The following DNAH6 variants were observed in gnomAD, a reference collection of about 807,000 sequenced individuals.
DNAH6 encodes dynein axonemal heavy chain 6.
A neutral mutation model predicts 491.4 loss-of-function variants in DNAH6; 340 were observed. That is an observed-to-expected ratio of 0.69 (90% CI 0.63 to 0.76). DNAH6 has a LOEUF of 0.76. Among genes scored for constraint, DNAH6 ranks in the 30% least tolerant of loss-of-function variants. The pLI is 0.00. For synonymous variants in DNAH6, 1,603 were observed against 1,686.1 expected, an observed-to-expected ratio of 0.95 and a Z score of 1.21; for missense variants, 4,443 against 4,972.2, an observed-to-expected ratio of 0.89 and a Z score of 3.20.
At chr2:84,791,154 C>T (rs1268194289) in intron 68 of DNAH6, among the ~76,000 whole-genome samples, 1 of 148,970 alleles carries the variant, frequency 6.7e-6, no homozygotes, top group Non-Finnish European at 1.5e-5. Flanking sequence ...CACGCCACTG[C>T]ACTCCAGCCT....
intron 44 of DNAH6, among the ~76,000 whole-genome samples, chr2:84,687,251 G>A (rs1209446990): frequency 5.3e-5 from 8 of 152,048 alleles, no homozygotes; most frequent in Non-Finnish European, 1.0e-4. Context: ...GCCTACATTG[G>A]CAGATAGCCA....
the DNAH6 span, among the ~76,000 whole-genome samples, chr2:84,508,073 T>C: frequency 6.6e-6 from 1 of 152,236 alleles, no homozygotes; most frequent in African/African-American, 2.4e-5. Flanking sequence ...AGGATGATAC[T>C]GGCCTCATAA....
chr2:84,715,661 G>T, intron 58 of DNAH6, 34 bp downstream of exon 58: 1 of 1,522,630 alleles, frequency 6.6e-7, no homozygotes, highest in East Asian at 2.5e-5. Context: ...GAGGGAAGGG[G>T]GTATTGTGGG....
At chr2:84,640,356 A>G (rs1689273107) in intron 31 of DNAH6, 74 bp from the exon 32 acceptor site, 1 of 911,506 alleles carries the variant, frequency 1.1e-6, no homozygotes, top group African/African-American at 1.7e-5. Context: ...GTCAATTTTG[A>G]CTATGTTGGT....
Position 84,577,150 on chromosome 2 carries a change from CAT to C in DNAH6, c.1925-102_1925-101del, listed in dbSNP as rs558460686. 360 of 626,484 alleles carry C rather than the reference CAT, an allele frequency of 5.7e-4. No individual in the cohort carries two copies. The African/African-American group carries it at 6.2e-3, about 11-fold the overall frequency. The allele number at this position is 626,484 out of a possible 1,614,324, so 38.8% of individuals were successfully genotyped here. ...TCTAAGTACAGATAATAACATTATA[CAT>C]ATATGTGTAAATTTATCAATGCAAT... On this transcript the variant is annotated intron_variant, in intron 12 of 76. Coordinates refer to ENST00000389394, the MANE Select transcript of DNAH6 (RefSeq NM_001370.2).
intron 17 of DNAH6, 104 bp downstream of exon 17, chr2:84,594,189 A>G: frequency 1.4e-6 from 1 of 692,862 alleles, no homozygotes; most frequent in South Asian, 2.0e-5. Flanking sequence ...GCTTTTCTTA[A>G]TGTCAGTAAA....
At chr2:84,462,218 T>C in the DNAH6 span, among the ~76,000 whole-genome samples, 3 of 152,254 alleles carry the variant, frequency 2.0e-5, no homozygotes, top group African/African-American at 7.2e-5. Flanking sequence ...CCCTCTGCCC[T>C]ATTGTTTATG....
chr2:84,630,386 C>CA (rs923261575), intron 29 of DNAH6, among the ~76,000 whole-genome samples: 10 of 150,866 alleles, frequency 6.6e-5, no homozygotes, highest in Non-Finnish European at 8.9e-5. Flanking sequence ...TATTCCTGTT[C>CA]AAAAAAAAAT....
chr2:84,700,143 C>T (rs762885004), intron 48 of DNAH6, among the ~76,000 whole-genome samples: 9 of 152,090 alleles, frequency 5.9e-5, no homozygotes, highest in Non-Finnish European at 7.4e-5. Context: ...GAAACACAAG[C>T]GGCATGCATG....
intron 63 of DNAH6, among the ~76,000 whole-genome samples, chr2:84,745,802 C>G (rs1004334979): frequency 6.6e-6 from 1 of 152,050 alleles, no homozygotes; most frequent in Non-Finnish European, 1.5e-5. Flanking sequence ...GTACCGTGCT[C>G]TCTGCTGGAG....
intron 57 of DNAH6, among the ~76,000 whole-genome samples, 170 bp from the exon 58 acceptor site, chr2:84,715,390 T>C (rs1473626896): frequency 6.6e-6 from 1 of 152,154 alleles, no homozygotes; most frequent in East Asian, 1.9e-4. Context: ...GAAAAACATA[T>C]GAGGATTTTA....
Position 84,517,801 on chromosome 2 carries a change from C to T in DNAH6, c.-8-18C>T. On this transcript the variant is annotated intron_variant, in intron 1 of 76. Transcript: ENST00000389394. ...TGATCTACTTTTCATTTTCTTTTTC[C>T]TCACCTATTCTTTTCAGGAGTAAGG... 7 of 1,527,456 alleles carry T rather than the reference C, an allele frequency of 4.6e-6. No individual in the cohort carries two copies. Among genetic ancestry groups the T allele is most frequent in the South Asian group, 1.2e-5 (1 of 82,062 alleles). 94.6% of individuals were successfully genotyped at this position (1,527,456 alleles called of 1,614,324 possible).
At chr2:84,784,470 C>T (rs897501993) in intron 65 of DNAH6, among the ~76,000 whole-genome samples, 4 of 152,130 alleles carry the variant, frequency 2.6e-5, no homozygotes, top group Non-Finnish European at 4.4e-5. Flanking sequence ...TAAAAATTAT[C>T]GTGTTCCTAA....
chr2:84,507,806 C>A, the DNAH6 span, among the ~76,000 whole-genome samples: 1 of 152,306 alleles, frequency 6.6e-6, no homozygotes. Flanking sequence ...AAGGCCTTTT[C>A]TGCATCTGTT....
chr2:84,464,408 G>A, the DNAH6 span, among the ~76,000 whole-genome samples: 1 of 152,158 alleles, frequency 6.6e-6, no homozygotes, highest in African/African-American at 2.4e-5. Context: ...TTGTGGACTT[G>A]TTACAAGACA....
chr2:84,502,924 T>C, the DNAH6 span, among the ~76,000 whole-genome samples: 4 of 152,154 alleles, frequency 2.6e-5, no homozygotes, highest in Admixed American at 1.3e-4. Context: ...AATGGATCAA[T>C]GGGTCATGTT....
intron 5 of DNAH6, among the ~76,000 whole-genome samples, chr2:84,545,591 T>C (rs1181888770): frequency 6.6e-6 from 1 of 152,200 alleles, no homozygotes; most frequent in East Asian, 1.9e-4. Flanking sequence ...GTGTCCATCA[T>C]TCATACCAGT....
At chr2:84,799,387 CA>C (rs1378341566) in intron 70 of DNAH6, among the ~76,000 whole-genome samples, 2 of 152,180 alleles carry the variant, frequency 1.3e-5, no homozygotes, top group Non-Finnish European at 2.9e-5. Context: ...GTGATCTGGA[CA>C]AAAATGGCTT....
Position 84,718,266 on chromosome 2 carries a change from T to A in DNAH6, c.9674T>A (p.Ile3225Asn). The A allele has an allele frequency of 1.3e-6, 2 of 1,551,102 alleles. No individual in the cohort carries two copies. Among genetic ancestry groups the A allele is most frequent in the African/African-American group, 1.4e-5 (1 of 73,114 alleles). ...CAAAGAATTAAGCTCATCGTGAGGA[T>A]CAACACTGATAAAAACCAGTTGAAA... ...EEQRIKLIVR[I>N]NTDKNQLKTI... is the part of the protein sequence containing the mutation. The change falls in exon 59 of 77, where the codon ATC (isoleucine) becomes AAC (asparagine). Residue 3225 changes from isoleucine (I) to asparagine (N), a missense_variant. This residue lies in a region of DNAH6 where 1,463 missense variants were observed against 1,656.6 expected (regional missense o/e 0.88). Transcript: ENST00000389394.
Sources: allele counts gnomAD v4.1 joint callset (sites outside exome capture counted in the v4.1 genomes callset), GRCh38; gene constraint gnomAD v4.1.1; regional missense constraint gnomAD v4.1.1; transcripts MANE v1.5; gene names NCBI Gene and HGNC (gene_info 2026-07-23, HGNC 2026-07-21).